DOCK9: variants seen among roughly 807,000 people sequenced by gnomAD.
The protein encoded by DOCK9 is dedicator of cytokinesis protein 9.
A neutral mutation model predicts 263.3 loss-of-function variants in DOCK9; 89 were observed. The observed-to-expected ratio is 0.34, with a 90% CI of 0.28 to 0.40. The LOEUF (loss-of-function observed/expected upper bound fraction) is 0.40, where lower values mean the gene tolerates loss of function less well. Ranked by LOEUF, DOCK9 falls within the 10% of genes least tolerant of loss-of-function variation. The pLI is 1.00. For synonymous variants in DOCK9, 976 were observed against 973.1 expected, an observed-to-expected ratio of 1.00 and a Z score of -0.06; for missense variants, 2,140 against 2,603.4, an observed-to-expected ratio of 0.82 and a Z score of 3.87.
At chr13:98,794,963 C>T (rs1344742915) in intron 52 of DOCK9, among the ~76,000 whole-genome samples, 1 of 152,234 alleles carries the variant, frequency 6.6e-6, no homozygotes, top group African/African-American at 2.4e-5. Context: ...AGTCTACACT[C>T]ACTCCATCAC....
intron 1 of DOCK9, among the ~76,000 whole-genome samples, chr13:98,963,179 G>A (rs796564225): frequency 3.3e-5 from 5 of 152,230 alleles, no homozygotes; most frequent in African/African-American, 1.2e-4. Flanking sequence ...ACCTCCCATG[G>A]GGGCCAGAAA....
At chr13:98,956,975 C>T (rs2141015904) in intron 1 of DOCK9, among the ~76,000 whole-genome samples, 1 of 152,288 alleles carries the variant, frequency 6.6e-6, no homozygotes, top group South Asian at 2.1e-4. Flanking sequence ...CTTTCCAATA[C>T]AGGTGGACCA....
intron 2 of DOCK9, 127 bp from the exon 3 acceptor site, chr13:98,930,384 G>T: frequency 1.3e-6 from 1 of 746,510 alleles, no homozygotes; most frequent in Non-Finnish European, 2.3e-6. Context: ...CTCCCATCCA[G>T]TGCAGCTGCC....
At chr13:98,986,113 T>C (rs1377110671) in intron 1 of DOCK9, among the ~76,000 whole-genome samples, 1 of 152,248 alleles carries the variant, frequency 6.6e-6, no homozygotes, top group African/African-American at 2.4e-5. Context: ...ACAAATGTTC[T>C]TTTGTTCACT....
chr13:98,817,587 C>T (rs1301027540), intron 45 of DOCK9, among the ~76,000 whole-genome samples: 2 of 151,346 alleles, frequency 1.3e-5, no homozygotes, highest in Non-Finnish European at 2.9e-5. Context: ...GCCACCACAT[C>T]TAGCCTAAAC....
chr13:98,826,735 C>T, intron 44 of DOCK9, 95 bp downstream of exon 44: 2 of 995,978 alleles, frequency 2.0e-6, no homozygotes, highest in Non-Finnish European at 3.0e-6. Flanking sequence ...ACACAAATCC[C>T]CACCTTCCAA....
intron 1 of DOCK9, among the ~76,000 whole-genome samples, chr13:98,997,908 G>T (rs1315200385): frequency 6.6e-6 from 1 of 152,198 alleles, no homozygotes. Flanking sequence ...CCCCACCCTT[G>T]ACCAACACAG....
At chr13:99,045,056 T>C (rs978296712) in intron 1 of DOCK9, among the ~76,000 whole-genome samples, 2 of 152,212 alleles carry the variant, frequency 1.3e-5, no homozygotes, top group African/African-American at 4.8e-5. Flanking sequence ...ATGCTGTTTG[T>C]GGGACTGTAA....
intron 1 of DOCK9, among the ~76,000 whole-genome samples, chr13:99,085,696 G>A (rs944307744): frequency 2.0e-5 from 3 of 152,086 alleles, no homozygotes; most frequent in Non-Finnish European, 4.4e-5. Context: ...GGGCGCAGGA[G>A]AGGATGCCGA....
intron 45 of DOCK9, among the ~76,000 whole-genome samples, chr13:98,812,987 G>A (rs1048446472): frequency 2.6e-5 from 4 of 152,156 alleles, no homozygotes; most frequent in African/African-American, 9.7e-5. Context: ...GTTTGAATAA[G>A]ATTAAATATC....
chr13:98,838,901 T>A (rs777284195), intron 38 of DOCK9, among the ~76,000 whole-genome samples: 6 of 150,850 alleles, frequency 4.0e-5, no homozygotes, highest in African/African-American at 1.2e-4. Context: ...AGACCAGTAA[T>A]GGGAAAAAAA....
rs374490445 is a variant in DOCK9 at position 98,915,324 on chromosome 13, T to C, written c.892+5A>G. On this transcript the variant is annotated splice_donor_5th_base_variant and intron_variant, in intron 8 of 52. Coordinates refer to ENST00000682017, the MANE Select transcript of DOCK9 (RefSeq NM_001366683.2). The stretch of plus-strand genomic sequence containing the variant: ...ATGTGCCTGGGGGAAGCCAAGCCTA[T>C]CTACCTTCGTGAGAGTCGCCATTTC... 39 of 1,613,000 alleles carry C rather than the reference T, an allele frequency of 2.4e-5. No homozygotes were observed. The highest frequency in any genetic ancestry group is 4.5e-5 in the East Asian group (2 of 44,878).
chr13:98,885,422 G>A (rs1255630088), intron 20 of DOCK9: 6 of 531,148 alleles, frequency 1.1e-5, no homozygotes, highest in Admixed American at 2.6e-5. Flanking sequence ...TGGGCAACAT[G>A]GCGAAATCCC....
intron 9 of DOCK9, among the ~76,000 whole-genome samples, chr13:98,913,368 C>G (rs1369644616): frequency 6.6e-6 from 1 of 152,010 alleles, no homozygotes; most frequent in Non-Finnish European, 1.5e-5. Flanking sequence ...AAGAATCATT[C>G]AGATACACAC....
chr13:99,025,992 T>C (rs1886655641), intron 1 of DOCK9, among the ~76,000 whole-genome samples: 2 of 135,916 alleles, frequency 1.5e-5, no homozygotes, highest in African/African-American at 5.5e-5. Flanking sequence ...GGCAAATATC[T>C]AGAGACAGAA....
At chr13:98,931,374 C>T (rs2053903586) in intron 2 of DOCK9, among the ~76,000 whole-genome samples, 2 of 152,020 alleles carry the variant, frequency 1.3e-5, no homozygotes, top group African/African-American at 4.8e-5. Context: ...TCTCAGCTCA[C>T]TGCCAGCTCC....
rs1437544222 is a variant in DOCK9, at chr13:98,825,902, G to T, written c.5023+928C>A. The T allele has an allele frequency of 6.4e-7, 1 of 1,554,590 alleles. No homozygotes were observed. Among genetic ancestry groups the T allele is most frequent in the East Asian group, 2.4e-5 (1 of 41,064 alleles). On this transcript the variant is annotated intron_variant, in intron 44 of 52. Coordinates refer to ENST00000682017, the MANE Select transcript of DOCK9 (RefSeq NM_001366683.2). This position sits in a 1 kb window ranked among gnomAD's most constrained non-coding sequence, Gnocchi z 4.1. ...CGGCTCCTCCTCAGGCAGGCGCTAT[G>T]GCTGTGGGGGAGAAGGGGCGGCTCC...
At chr13:98,888,582 A>G (rs538484044) in intron 16 of DOCK9, 35 bp from the exon 17 acceptor site, 1 of 1,612,774 alleles carries the variant, frequency 6.2e-7, no homozygotes, top group South Asian at 1.1e-5. Flanking sequence ...AAACTGAAGT[A>G]AAACCCAAAC....
At chr13:98,881,495 G>T in intron 25 of DOCK9, 63 bp downstream of exon 25, 1 of 1,369,496 alleles carries the variant, frequency 7.3e-7, no homozygotes, top group Non-Finnish European at 1.0e-6. Context: ...GAAAAAATAA[G>T]TCCTTAGAAG....
Sources: allele counts gnomAD v4.1 joint callset (sites outside exome capture counted in the v4.1 genomes callset), GRCh38; gene constraint gnomAD v4.1.1; non-coding constraint Gnocchi (gnomAD v3.1); transcripts MANE v1.5; gene names NCBI Gene and HGNC (gene_info 2026-07-23, HGNC 2026-07-21).